The following HAPLN3 variants were observed in gnomAD, a reference collection of about 807,000 sequenced individuals.
The protein encoded by HAPLN3 is extracellular link domain containing, 1.
HAPLN3 carries 28 observed loss-of-function variants against 28.1 expected under a neutral mutation model. That is an observed-to-expected ratio of 1.00 (90% confidence interval 0.74 to 1.37). The LOEUF (loss-of-function observed/expected upper bound fraction) is 1.37. Ranked by LOEUF, HAPLN3 falls within the 40% of genes most tolerant of loss-of-function variation. HAPLN3 has a pLI of 0.00. For missense variants in HAPLN3, 513 were observed against 504.6 expected, an observed-to-expected ratio of 1.02 and a Z score of -0.16; for synonymous variants, 211 against 213.1, an observed-to-expected ratio of 0.99 and a Z score of 0.09.
In HAPLN3 at chr15:88,881,149, C is replaced by T; in HGVS notation, c.493+208G>A. 3 of 628,470 alleles carry T rather than the reference C, an allele frequency of 4.8e-6. No individual in the cohort carries two copies. The highest frequency in any genetic ancestry group is 5.4e-6 in the Non-Finnish European group (2 of 370,792). 38.9% of individuals were successfully genotyped at this position (628,470 alleles called of 1,614,324 possible). On this transcript the variant is annotated intron_variant, in intron 3 of 4. Coordinates refer to ENST00000359595, the MANE Select transcript of HAPLN3 (RefSeq NM_178232.4). This position sits in a 1 kb window ranked among gnomAD's most constrained non-coding sequence, Gnocchi z 6.0. ...AGACCCCAGCTCTGTCGTTTACAAG[C>T]TGTGTGACCTTAGGTAAGTTACTTG...
rs1211433243 is a variant in HAPLN3, at chr15:88,880,140, G to A, written c.494-871C>T. The stretch of plus-strand genomic sequence containing the variant: ...CATGGGCCCTGACAGTCAGCTTGCA[G>A]CCTCTACGTGTGTTTGCAGGGGGAC... On this transcript the variant is annotated intron_variant, in intron 3 of 4. Transcript: ENST00000359595. This position sits in a 1 kb window ranked among gnomAD's most constrained non-coding sequence, Gnocchi z 6.0. The A allele has an allele frequency of 2.0e-6, 2 of 992,214 alleles. No homozygotes were observed. The highest frequency in any genetic ancestry group is 2.4e-6 in the Non-Finnish European group (2 of 834,468). 61.5% of individuals were successfully genotyped at this position (992,214 alleles called of 1,614,324 possible).
At chr15:88,884,888 C>G (rs888422848) in intron 2 of HAPLN3, among the ~76,000 whole-genome samples, 12 of 152,172 alleles carry the variant, frequency 7.9e-5, no homozygotes, top group African/African-American at 2.4e-4. Context: ...CCAGCAGCCA[C>G]CAGAACCGGA....
At position 88,888,967 on chromosome 15, in the gene HAPLN3, G is replaced by T. The variant is rs1897938487; in HGVS notation, c.-47-1622C>A. On this transcript the variant is annotated intron_variant, in intron 1 of 4. Coordinates refer to ENST00000359595, the MANE Select transcript of HAPLN3 (RefSeq NM_178232.4). The surrounding 1 kb of genome is among the most constrained non-coding windows in gnomAD (Gnocchi z 4.1). Reference sequence around the variant, plus strand: ...CGTCTGTCCTTCTCTGACACGTATTGGTCCCTGTTGTCCCAGTTCCCCAGG... The same window carrying T: ...CGTCTGTCCTTCTCTGACACGTATTTGTCCCTGTTGTCCCAGTTCCCCAGG... 6.6e-6 allele frequency among the ~76,000 whole-genome samples: 1 copy of T among 152,184 alleles called. No individual in the cohort carries two copies. Among genetic ancestry groups the T allele is most frequent in the Non-Finnish European group, 1.5e-5 (1 of 68,028 alleles).
chr15:88,886,114 C>A (rs980242101), intron 2 of HAPLN3, among the ~76,000 whole-genome samples: 2 of 151,846 alleles, frequency 1.3e-5, no homozygotes, highest in African/African-American at 4.8e-5. Flanking sequence ...TTTTGGGAGG[C>A]TGAGGCGGGT....
At position 88,880,507 on chromosome 15, in the gene HAPLN3, A is replaced by G; in HGVS notation, c.493+850T>C. The G allele has an allele frequency of 7.9e-7, 1 of 1,270,320 alleles. No homozygotes were observed. Among genetic ancestry groups the G allele is most frequent in the Non-Finnish European group, 1.0e-6 (1 of 972,918 alleles). The allele number at this position is 1,270,320 out of a possible 1,614,324, so 78.7% of individuals were successfully genotyped here. A position where few individuals can be genotyped will look rare whatever the true frequency, so the allele number is the denominator to read the frequency against. On this transcript the variant is annotated intron_variant, in intron 3 of 4. Coordinates refer to ENST00000359595, the MANE Select transcript of HAPLN3 (RefSeq NM_178232.4). The surrounding 1 kb of genome is among the most constrained non-coding windows in gnomAD (Gnocchi z 6.0). ...TAAGGGGGATGAGGCATTTACCCACATGTCATAGCTGGGACGGGCTGGGGC... is the reference window on the plus strand; with the variant it reads ...TAAGGGGGATGAGGCATTTACCCACGTGTCATAGCTGGGACGGGCTGGGGC...
chr15:88,883,297 G>A (rs931772395), intron 2 of HAPLN3, among the ~76,000 whole-genome samples: 1 of 152,252 alleles, frequency 6.6e-6, no homozygotes, highest in Non-Finnish European at 1.5e-5. Flanking sequence ...ATTCAGATTA[G>A]AGCTGTCCTG....
intron 1 of HAPLN3, among the ~76,000 whole-genome samples, chr15:88,894,875 G>T (rs948210835): frequency 3.3e-5 from 5 of 152,128 alleles, no homozygotes; most frequent in Non-Finnish European, 5.9e-5. Flanking sequence ...TTCTGGCCTC[G>T]CTGTCCCTGG....
intron 4 of HAPLN3, 67 bp from the exon 5 acceptor site, chr15:88,878,323 A>G: frequency 7.0e-7 from 1 of 1,436,878 alleles, no homozygotes; most frequent in Non-Finnish European, 9.5e-7. Context: ...CGGGGTCTGC[A>G]GAGATGCCAG....
Position 88,895,251 on chromosome 15 carries a change from G to A in HAPLN3, c.-48+208C>T, listed in dbSNP as rs1301606203. 6.6e-6 allele frequency among the ~76,000 whole-genome samples: 1 copy of A among 152,066 alleles called. No individual in the cohort carries two copies. Among genetic ancestry groups the A allele is most frequent in the Non-Finnish European group, 1.5e-5 (1 of 67,980 alleles). ...GGTCCGGCGCCCGCATCCCCGCGCCGCTCCCTCCCCACTTGTGCCCCGGGC... is the reference window on the plus strand; with the variant it reads ...GGTCCGGCGCCCGCATCCCCGCGCCACTCCCTCCCCACTTGTGCCCCGGGC... On this transcript the variant is annotated intron_variant, in intron 1 of 4. Coordinates refer to ENST00000359595, the MANE Select transcript of HAPLN3 (RefSeq NM_178232.4). This position sits in a 1 kb window ranked among gnomAD's most constrained non-coding sequence, Gnocchi z 5.5.
intron 1 of HAPLN3, among the ~76,000 whole-genome samples, chr15:88,891,998 C>A (rs368891983): frequency 6.6e-6 from 1 of 152,192 alleles, no homozygotes; most frequent in East Asian, 1.9e-4. Context: ...ATGTTTCCAG[C>A]CTCTTACAGC....
intron 4 of HAPLN3, 26 bp from the exon 5 acceptor site, chr15:88,878,282 G>C: frequency 6.3e-7 from 1 of 1,591,172 alleles, no homozygotes; most frequent in Non-Finnish European, 8.6e-7. Flanking sequence ...CGTGAGTGCC[G>C]TACAGCGCAG....
chr15:88,884,084 A>G (rs1897780259), intron 2 of HAPLN3, among the ~76,000 whole-genome samples: 1 of 152,016 alleles, frequency 6.6e-6, no homozygotes, highest in African/African-American at 2.4e-5. Context: ...AAAAAAAAAA[A>G]AAGAAAAGGC....
chr15:88,883,886 T>G lies in HAPLN3; in HGVS notation c.125-2161A>C, dbSNP rs1205320378. On this transcript the variant is annotated intron_variant, in intron 2 of 4. Coordinates refer to ENST00000359595, the MANE Select transcript of HAPLN3 (RefSeq NM_178232.4). ...TGAGGCCACGAGTTCGAGACTAGCGTGGCCAACACGGTGAAGCCCCATCTC... is the reference window on the plus strand; with the variant it reads ...TGAGGCCACGAGTTCGAGACTAGCGGGGCCAACACGGTGAAGCCCCATCTC... 2.0e-5 allele frequency among the ~76,000 whole-genome samples: 3 copies of G among 151,882 alleles called. No homozygotes were observed. In the East Asian group the frequency reaches 5.9e-4, roughly 30 times the overall value.
intron 2 of HAPLN3, among the ~76,000 whole-genome samples, chr15:88,883,997 T>G (rs1472101879): frequency 6.6e-6 from 1 of 151,522 alleles, no homozygotes; most frequent in Non-Finnish European, 1.5e-5. Flanking sequence ...AAGGATCTCT[T>G]GAGCCCAGGA....
chr15:88,878,477 C>A (rs1596163005), intron 4 of HAPLN3, among the ~76,000 whole-genome samples: 1 of 152,244 alleles, frequency 6.6e-6, no homozygotes. Context: ...CACTCCCCCA[C>A]CACCCTTCCC....
chr15:88,891,358 A>C (rs112840709), intron 1 of HAPLN3, among the ~76,000 whole-genome samples: 1 of 151,698 alleles, frequency 6.6e-6, no homozygotes, highest in African/African-American at 2.4e-5. Flanking sequence ...GTGCAGTGGT[A>C]AGATCTCGGC....
intron 2 of HAPLN3, among the ~76,000 whole-genome samples, chr15:88,885,688 C>G (rs1457958170): frequency 3.3e-5 from 5 of 152,124 alleles, no homozygotes; most frequent in African/African-American, 1.2e-4. Flanking sequence ...ATCTCTTGAC[C>G]TCGTGATCCA....
intron 1 of HAPLN3, among the ~76,000 whole-genome samples, chr15:88,887,739 G>A (rs12902484): frequency 1.3e-5 from 2 of 152,098 alleles, no homozygotes; most frequent in African/African-American, 2.4e-5. Flanking sequence ...TGAGGCGGGC[G>A]GATCACCTGA....
rs1467165589 is a variant in HAPLN3 at position 88,887,292 on chromosome 15, G to A, written c.7C>T (p.Leu3=). MG[L]LLLVPLLLLP... The stretch of plus-strand genomic sequence containing the variant: ...AGGAGCAACGGGACCAGGAGCAACA[G>A]GCCCATCTCCTCATGCCAGGGTGAC... Residue 3 remains leucine (L), a synonymous_variant, in exon 2 of 5, where the codon CTG becomes TTG. Coordinates refer to ENST00000359595, the MANE Select transcript of HAPLN3 (RefSeq NM_178232.4). 4.3e-6 allele frequency: 7 copies of A among 1,614,082 alleles called. No individual in the cohort carries two copies. In the South Asian group the frequency reaches 7.7e-5, roughly 18 times the overall value.
Sources: gnomAD v4.1 joint callset for allele counts (sites outside exome capture counted in the v4.1 genomes callset) on GRCh38, gnomAD v4.1.1 for gene constraint, Gnocchi (gnomAD v3.1) non-coding constraint, MANE v1.5 for transcripts, NCBI Gene and HGNC (gene_info 2026-07-23, HGNC 2026-07-21) for gene names.